BBS12: variants seen among roughly 807,000 people sequenced by gnomAD.
The protein encoded by BBS12 is chaperonin-containing T-complex member BBS12.
In BBS12, 5 loss-of-function variants were observed where a neutral mutation model predicts 5.6. The ratio of observed to expected loss-of-function variants is 0.89; its 90% CI spans 0.46 to 1.86. The LOEUF (loss-of-function observed/expected upper bound fraction) is 1.86. Ranked by LOEUF, BBS12 falls within the 40% of genes most tolerant of loss-of-function variation. The pLI is 0.01. For synonymous variants in BBS12, 308 were observed against 306.8 expected, an observed-to-expected ratio of 1.00 and a Z score of -0.04; for missense variants, 748 against 830.4, an observed-to-expected ratio of 0.90 and a Z score of 1.22.
the BBS12 span, among the ~76,000 whole-genome samples, chr4:122,720,845 T>C: frequency 6.6e-6 from 1 of 151,634 alleles, no homozygotes; most frequent in African/African-American, 2.4e-5. Context: ...CATAGTTAAG[T>C]TGCTAATAAG....
intron 1 of BBS12, among the ~76,000 whole-genome samples, chr4:122,740,325 G>C (rs1800849620): frequency 6.6e-6 from 1 of 152,120 alleles, no homozygotes. Flanking sequence ...TTGTAATACT[G>C]GGGATCTCCC....
At chr4:122,739,829 A>G (rs1186580662) in intron 1 of BBS12, among the ~76,000 whole-genome samples, 1 of 152,250 alleles carries the variant, frequency 6.6e-6, no homozygotes, top group East Asian at 1.9e-4. Flanking sequence ...TTATTAGAAC[A>G]CGTCCCATGC....
At position 122,742,960 on chromosome 4, in the gene BBS12, A is replaced by G. The variant is rs1800908263; in HGVS notation, c.1068A>G (p.Ile356Met). 2.5e-6 allele frequency: 4 copies of G among 1,614,232 alleles called. No individual in the cohort carries two copies. Among genetic ancestry groups the G allele is most frequent in the Non-Finnish European group, 3.4e-6 (4 of 1,180,016 alleles). ...IKELQNQPVR[I>M]VLIEGDLTEN... ...AATTGCAGAATCAGCCTGTGCGAATAGTTCTCATTGAGGGTGACCTCACAG... is the reference window on the plus strand; with the variant it reads ...AATTGCAGAATCAGCCTGTGCGAATGGTTCTCATTGAGGGTGACCTCACAG... The change falls in exon 2 of 2, where the codon ATA becomes ATG. Residue 356 changes from isoleucine to methionine, a missense_variant. By Grantham distance (10) the Ile-to-Met change is conservative. Transcript: ENST00000314218.
the BBS12 span, among the ~76,000 whole-genome samples, chr4:122,723,795 G>C: frequency 6.6e-6 from 1 of 152,124 alleles, no homozygotes; most frequent in Non-Finnish European, 1.5e-5. Flanking sequence ...CTGCAAAATG[G>C]GATGTTTAAA....
chr4:122,740,158 A>G (rs1173521776), intron 1 of BBS12, among the ~76,000 whole-genome samples: 3 of 152,154 alleles, frequency 2.0e-5, no homozygotes, highest in Admixed American at 2.0e-4. Context: ...TTGTAGTCCC[A>G]GTTACTTGGG....
intron 1 of BBS12, among the ~76,000 whole-genome samples, chr4:122,740,744 C>T (rs1429920704): frequency 1.3e-5 from 2 of 152,268 alleles, no homozygotes; most frequent in Non-Finnish European, 2.9e-5. Flanking sequence ...TCTAGTCAGT[C>T]CTCTACGGTG....
At chr4:122,739,848 C>A (rs1800839892) in intron 1 of BBS12, among the ~76,000 whole-genome samples, 1 of 152,214 alleles carries the variant, frequency 6.6e-6, no homozygotes, top group Admixed American at 6.5e-5. Flanking sequence ...GCCCCCGCTC[C>A]CTTTAAGGCC....
At position 122,744,713 on chromosome 4, in the gene BBS12, A is replaced by T. The variant is rs2150738576; in HGVS notation, c.*688A>T. ...ACAGTCGGGTTGTTTAGTCAGTACC[A>T]AATTTGTTCATTTGGTCTCATATAG... is the stretch of plus-strand genomic sequence containing the variant. On this transcript the variant is annotated 3_prime_UTR_variant, in exon 2 of 2. Transcript: ENST00000314218. The T allele has an allele frequency of 6.0e-6, 1 of 167,304 alleles. No individual in the cohort carries two copies. The highest frequency in any genetic ancestry group is 2.1e-4 in the South Asian group (1 of 4,830). 10.4% of individuals were successfully genotyped at this position (167,304 alleles called of 1,614,324 possible). A position where few individuals can be genotyped will look rare whatever the true frequency, so the allele number is the denominator to read the frequency against.
Position 122,742,157 on chromosome 4 carries a change from T to A in BBS12, c.265T>A (p.Leu89Met). ...NTYRTGISTL[L>M]FLVGAWSSAV... ...ATATAGAACTGGAATCAGTACTCTT[T>A]TGTTTCTTGTTGGTGCTTGGAGCAG... is the stretch of plus-strand genomic sequence containing the variant. The change falls in exon 2 of 2, where the codon TTG (leucine) becomes ATG (methionine). Residue 89 changes from leucine to methionine, a missense_variant. By Grantham distance (15) the Leu-to-Met change is conservative. Transcript: ENST00000314218. 1 of 1,614,038 alleles carries A rather than the reference T, an allele frequency of 6.2e-7. No homozygotes were observed. The highest frequency in any genetic ancestry group is 8.5e-7 in the Non-Finnish European group (1 of 1,180,030).
chr4:122,738,049 G>C (rs1342622319), intron 1 of BBS12, among the ~76,000 whole-genome samples: 1 of 152,110 alleles, frequency 6.6e-6, no homozygotes, highest in Non-Finnish European at 1.5e-5. Flanking sequence ...CTAAATATAA[G>C]AGATGAAACT....
the BBS12 span, among the ~76,000 whole-genome samples, chr4:122,720,765 C>G: frequency 0.017 from 2,516 of 151,810 alleles, 38 homozygotes; most frequent in Non-Finnish European, 0.027. Context: ...AGACATGAAA[C>G]CACAGAATCA....
the BBS12 span, among the ~76,000 whole-genome samples, chr4:122,723,687 A>G: frequency 6.6e-6 from 1 of 152,228 alleles, no homozygotes; most frequent in African/African-American, 2.4e-5. Context: ...CAATCTGCTT[A>G]TTGCAACTAA....
At chr4:122,713,668 A>G in the BBS12 span, among the ~76,000 whole-genome samples, 1 of 152,154 alleles carries the variant, frequency 6.6e-6, no homozygotes, top group Non-Finnish European at 1.5e-5. Context: ...ATTGAGTAAG[A>G]TCAGTGTTTT....
the BBS12 span, among the ~76,000 whole-genome samples, chr4:122,704,072 A>G: frequency 3.9e-5 from 6 of 152,202 alleles, no homozygotes; most frequent in Admixed American, 2.6e-4. Flanking sequence ...CTGGTCATTA[A>G]CTTTTGGGCT....
At chr4:122,727,087 T>C in the BBS12 span, among the ~76,000 whole-genome samples, 3 of 136,592 alleles carry the variant, frequency 2.2e-5, no homozygotes, top group Admixed American at 7.5e-5. Flanking sequence ...CCAAAACCTA[T>C]GGAAATAAAA....
At chr4:122,700,851 TTAA>T in the BBS12 span, among the ~76,000 whole-genome samples, 2 of 152,234 alleles carry the variant, frequency 1.3e-5, no homozygotes, top group African/African-American at 4.8e-5. Flanking sequence ...AATTTGATGC[TTAA>T]TAAATGTTTG....
chr4:122,733,480 A>C (rs1325422400), intron 1 of BBS12, among the ~76,000 whole-genome samples: 2 of 150,878 alleles, frequency 1.3e-5, no homozygotes, highest in African/African-American at 2.4e-5. Context: ...AACGATATCA[A>C]CTTGATCTGC....
the BBS12 span, among the ~76,000 whole-genome samples, chr4:122,716,732 C>T: frequency 0.09 from 11,132 of 123,730 alleles, 2,019 homozygotes; most frequent in African/African-American, 0.19. Flanking sequence ...TATATACACA[C>T]ACACGTGTGT....
At chr4:122,722,073 C>T in the BBS12 span, among the ~76,000 whole-genome samples, 3 of 151,970 alleles carry the variant, frequency 2.0e-5, no homozygotes, top group East Asian at 5.8e-4. Context: ...CCTTTCATAT[C>T]TAAATCCACA....
Sources: gnomAD v4.1 joint callset for allele counts (sites outside exome capture counted in the v4.1 genomes callset) on GRCh38, gnomAD v4.1.1 for gene constraint, MANE v1.5 for transcripts, NCBI Gene and HGNC (gene_info 2026-07-23, HGNC 2026-07-21) for gene names.